The following NKAIN2 variants were observed in gnomAD, a reference collection of about 807,000 sequenced individuals.
The protein encoded by NKAIN2 is sodium/potassium-transporting ATPase subunit beta-1-interacting protein 2.
In NKAIN2, 14 loss-of-function variants were observed where a neutral mutation model predicts 32.6. That is an observed-to-expected ratio of 0.43 (90% CI 0.28 to 0.67). The LOEUF (loss-of-function observed/expected upper bound fraction) is 0.67, where lower values mean the gene tolerates loss of function less well. Ranked by LOEUF, NKAIN2 falls within the 30% of genes least tolerant of loss-of-function variation. NKAIN2 has a pLI of 0.17. For synonymous variants in NKAIN2, 80 were observed against 87.2 expected, an observed-to-expected ratio of 0.92 and a Z score of 0.46; for missense variants, 198 against 258.3, an observed-to-expected ratio of 0.77 and a Z score of 1.60.
At chr6:124,018,765 T>C (rs892423947) in intron 1 of NKAIN2, among the ~76,000 whole-genome samples, 23 of 152,148 alleles carry the variant, frequency 1.5e-4, no homozygotes, top group African/African-American at 5.6e-4. Context: ...CTTTCCCATA[T>C]TATTTTGTCT....
intron 4 of NKAIN2, among the ~76,000 whole-genome samples, chr6:124,769,634 A>C (rs1473211934): frequency 6.6e-6 from 1 of 152,186 alleles, no homozygotes; most frequent in Non-Finnish European, 1.5e-5. Context: ...CACCTAAACG[A>C]TACACTCCTT....
chr6:124,784,056 A>C (rs1241969835), intron 4 of NKAIN2, among the ~76,000 whole-genome samples: 1 of 152,196 alleles, frequency 6.6e-6, no homozygotes, highest in Non-Finnish European at 1.5e-5. Context: ...TGTACTTAAG[A>C]AAACAAGCAT....
intron 1 of NKAIN2, among the ~76,000 whole-genome samples, chr6:124,117,863 A>C (rs938728654): frequency 6.6e-6 from 1 of 151,434 alleles, no homozygotes; most frequent in African/African-American, 2.4e-5. Flanking sequence ...CATCACATTG[A>C]GTAAACTCCC....
At chr6:123,914,286 A>AGAGAGAGG (rs1775379482) in intron 1 of NKAIN2, among the ~76,000 whole-genome samples, 2 of 151,992 alleles carry the variant, frequency 1.3e-5, no homozygotes, top group Non-Finnish European at 2.9e-5. Flanking sequence ...AGAGACAGTC[A>AGAGAGAGG]GAGAGAGGGA....
At chr6:124,559,874 C>G (rs1780625315) in intron 3 of NKAIN2, among the ~76,000 whole-genome samples, 1 of 108,604 alleles carries the variant, frequency 9.2e-6, no homozygotes, top group East Asian at 3.2e-4. Flanking sequence ...TTTAAGCCAT[C>G]AAGATCATGA....
intron 3 of NKAIN2, among the ~76,000 whole-genome samples, chr6:124,583,358 A>C (rs188922430): frequency 6.6e-6 from 1 of 152,238 alleles, no homozygotes; most frequent in East Asian, 1.9e-4. Flanking sequence ...TCAAAAAAGT[A>C]ATCCAATTTA....
Position 124,105,302 on chromosome 6 carries a change from G to A in NKAIN2, c.55-177703G>A, listed in dbSNP as rs575195954. Among the ~76,000 whole-genome samples the A allele has an allele frequency of 3.6e-4, 54 of 152,012 alleles. No homozygotes were observed. The South Asian group carries it at 9.4e-3, about 26-fold the overall frequency. On this transcript the variant is annotated intron_variant, in intron 1 of 6. Transcript: ENST00000368417. ...GCAATCTTTGACTGACCTAATCTTT[G>A]GAGATCTGCACGTCAGTGGGTTCAG...
At chr6:124,635,242 C>A (rs1783731027) in intron 3 of NKAIN2, among the ~76,000 whole-genome samples, 1 of 151,880 alleles carries the variant, frequency 6.6e-6, no homozygotes, top group Admixed American at 6.6e-5. Flanking sequence ...TAAGGGAGTT[C>A]TTTATCTTAA....
intron 1 of NKAIN2, among the ~76,000 whole-genome samples, chr6:124,109,890 G>C (rs536922263): frequency 3.3e-5 from 5 of 152,008 alleles, no homozygotes; most frequent in African/African-American, 1.2e-4. Context: ...CTGTTGATTT[G>C]CTGTATCACG....
chr6:124,659,396 CAT>C (rs1474543611), intron 4 of NKAIN2, among the ~76,000 whole-genome samples: 1 of 150,998 alleles, frequency 6.6e-6, no homozygotes, highest in African/African-American at 2.4e-5. Context: ...TTCAGAGAAA[CAT>C]AAAATTCTTC....
intron 1 of NKAIN2, among the ~76,000 whole-genome samples, chr6:124,015,622 T>C (rs1201544410): frequency 6.6e-6 from 1 of 152,204 alleles, no homozygotes; most frequent in Non-Finnish European, 1.5e-5. Flanking sequence ...GTTCTGTATG[T>C]TTAGCACAGC....
intron 3 of NKAIN2, among the ~76,000 whole-genome samples, chr6:124,469,657 A>C (rs539567338): frequency 6.6e-6 from 1 of 152,112 alleles, no homozygotes; most frequent in East Asian, 1.9e-4. Context: ...GAAAATTCAC[A>C]CTCCATCTAA....
intron 2 of NKAIN2, among the ~76,000 whole-genome samples, chr6:124,286,981 C>T (rs1042629001): frequency 6.6e-6 from 1 of 152,096 alleles, no homozygotes; most frequent in African/African-American, 2.4e-5. Context: ...TGTGCCCGGC[C>T]AGGGATTTGT....
chr6:124,007,717 C>T (rs535317178), intron 1 of NKAIN2, among the ~76,000 whole-genome samples: 78 of 152,292 alleles, frequency 5.1e-4, no homozygotes, highest in South Asian at 1.9e-3. Flanking sequence ...TTTTAACCAA[C>T]GACTTACATT....
chr6:124,652,145 C>T (rs1349899392), intron 3 of NKAIN2, among the ~76,000 whole-genome samples: 1 of 152,182 alleles, frequency 6.6e-6, no homozygotes, highest in East Asian at 1.9e-4. Flanking sequence ...CTCTTAAATT[C>T]CATCTTCCAT....
chr6:124,231,455 G>T (rs1050840790), intron 1 of NKAIN2, among the ~76,000 whole-genome samples: 1 of 152,110 alleles, frequency 6.6e-6, no homozygotes, highest in Non-Finnish European at 1.5e-5. Context: ...GGAGGGACCT[G>T]GGGTGGAATT....
At chr6:123,942,352 C>T (rs1015838680) in intron 1 of NKAIN2, among the ~76,000 whole-genome samples, 1 of 151,800 alleles carries the variant, frequency 6.6e-6, no homozygotes, top group South Asian at 2.1e-4. Context: ...AAGAGTTTTC[C>T]TGCTTATAGT....
At chr6:124,235,128 A>T (rs1353340457) in intron 1 of NKAIN2, among the ~76,000 whole-genome samples, 1 of 152,194 alleles carries the variant, frequency 6.6e-6, no homozygotes, top group Non-Finnish European at 1.5e-5. Flanking sequence ...ACCAATAAAA[A>T]TAAGTATACT....
At chr6:124,530,829 T>C (rs964364384) in intron 3 of NKAIN2, among the ~76,000 whole-genome samples, 10 of 152,130 alleles carry the variant, frequency 6.6e-5, no homozygotes, top group African/African-American at 2.2e-4. Context: ...CCAAGAACCA[T>C]GAACTCTTCA....
Sources: allele counts gnomAD v4.1 joint callset (sites outside exome capture counted in the v4.1 genomes callset), GRCh38; gene constraint gnomAD v4.1.1; transcripts MANE v1.5; gene names NCBI Gene and HGNC (gene_info 2026-07-23, HGNC 2026-07-21).